TLE4: variants seen among roughly 807,000 people sequenced by gnomAD.
The protein encoded by TLE4 is transducin-like enhancer protein 4.
In TLE4, 8 loss-of-function variants were observed where a neutral mutation model predicts 92.8. The ratio of observed to expected loss-of-function variants is 0.09; its 90% CI spans 0.05 to 0.16. The LOEUF (loss-of-function observed/expected upper bound fraction) is 0.16, where lower values mean the gene tolerates loss of function less well. TLE4 is among the 10% of genes least tolerant of loss of function. The probability of loss-of-function intolerance (pLI) is 1.00; values close to 1 mark genes in which losing one functional copy is unlikely to be tolerated. For missense variants in TLE4, 675 were observed against 997.6 expected (o/e 0.68, Z 4.36); for synonymous variants, 371 against 374.1 (o/e 0.99, Z 0.10).
chr9:79,647,332 T>C (rs529328155), intron 6 of TLE4, among the ~76,000 whole-genome samples: 2 of 151,470 alleles, frequency 1.3e-5, no homozygotes, highest in South Asian at 4.1e-4. Context: ...AGTTCATTAA[T>C]TAGTTCAGGG....
intron 6 of TLE4, among the ~76,000 whole-genome samples, chr9:79,637,632 A>G (rs568315006): frequency 6.6e-6 from 1 of 152,340 alleles, no homozygotes; most frequent in South Asian, 2.1e-4. Context: ...GAATTATATT[A>G]GTTCCACAGG....
At position 79,574,952 on chromosome 9, in the gene TLE4, C is replaced by A; in HGVS notation, c.207+16C>A. Reference sequence around the variant, plus strand: ...TTATGTCATGGTAAGAAAACCATGTCACAGATTCAAAGTGCCTATTAGTTT... The same window carrying A: ...TTATGTCATGGTAAGAAAACCATGTAACAGATTCAAAGTGCCTATTAGTTT... On this transcript the variant is annotated intron_variant, in intron 3 of 19. Transcript: ENST00000376552. 1.2e-6 allele frequency: 2 copies of A among 1,611,060 alleles called. No homozygotes were observed. Among genetic ancestry groups the A allele is most frequent in the South Asian group, 2.2e-5 (2 of 90,934 alleles).
chr9:79,681,804 CAGAGAGAG>C (rs150338789), intron 8 of TLE4, among the ~76,000 whole-genome samples: 1 of 117,078 alleles, frequency 8.5e-6, no homozygotes, highest in Non-Finnish European at 1.9e-5. Context: ...GAGAGGGAGA[CAGAGAGAG>C]AGAGAGAGAG....
chr9:79,719,005 T>C, intron 15 of TLE4, 34 bp downstream of exon 15: 1 of 1,580,670 alleles, frequency 6.3e-7, no homozygotes, highest in Non-Finnish European at 8.6e-7. Context: ...ACTTAGACTT[T>C]CATTCAGAAA....
chr9:79,664,401 C>T (rs1231838194), intron 8 of TLE4, among the ~76,000 whole-genome samples: 1 of 152,136 alleles, frequency 6.6e-6, no homozygotes, highest in Non-Finnish European at 1.5e-5. Flanking sequence ...GACTTGAAAG[C>T]TGAGTTATTC....
At chr9:79,601,651 G>A (rs1442803161) in intron 4 of TLE4, 1 of 365,260 alleles carries the variant, frequency 2.7e-6, no homozygotes, top group Admixed American at 3.5e-5. Context: ...CTTAATTAAT[G>A]TGTGTGTTCT....
intron 5 of TLE4, among the ~76,000 whole-genome samples, chr9:79,620,811 T>C (rs569086097): frequency 6.6e-6 from 1 of 152,148 alleles, no homozygotes; most frequent in Non-Finnish European, 1.5e-5. Context: ...GGCACCAACA[T>C]TACTTGGCTT....
intron 7 of TLE4, among the ~76,000 whole-genome samples, chr9:79,653,576 T>A (rs1282254931): frequency 6.6e-6 from 1 of 152,212 alleles, no homozygotes; most frequent in Non-Finnish European, 1.5e-5. Context: ...TTTTTGGGAA[T>A]TTACTTAGCA....
chr9:79,614,903 C>T (rs1260462848), intron 5 of TLE4, among the ~76,000 whole-genome samples: 1 of 151,984 alleles, frequency 6.6e-6, no homozygotes, highest in Non-Finnish European at 1.5e-5. Context: ...CCCAGGGAAG[C>T]CAAAAGATTG....
chr9:79,692,353 T>C (rs559893512), intron 8 of TLE4, among the ~76,000 whole-genome samples: 42 of 152,230 alleles, frequency 2.8e-4, no homozygotes, highest in African/African-American at 1.0e-3. Context: ...TTCCCCAGGG[T>C]CCTGAGGCTT....
chr9:79,612,929 T>A (rs1310638628), intron 5 of TLE4, among the ~76,000 whole-genome samples: 1 of 152,158 alleles, frequency 6.6e-6, no homozygotes, highest in Non-Finnish European at 1.5e-5. Context: ...AATGGAATAT[T>A]TTCTAGTTGG....
chr9:79,629,324 C>T (rs1461328105), intron 6 of TLE4, among the ~76,000 whole-genome samples: 1 of 151,920 alleles, frequency 6.6e-6, no homozygotes, highest in Non-Finnish European at 1.5e-5. Context: ...GATATAAAAT[C>T]AGAACAAGTT....
rs779912568 is a variant in TLE4, at chr9:79,706,828, G to C, written c.865G>C (p.Ala289Pro). ...LDKTRLLKKDAPISPASIASS... is the reference protein window; with the variant it reads ...LDKTRLLKKDPPISPASIASS... ...CAAGACACGCCTGCTCAAGAAAGAT[G>C]CCCCGATTAGTCCAGCCTCTATTGC... Residue 289 changes from alanine (A) to proline (P), a missense_variant, in exon 11 of 20, where the codon GCC (alanine) becomes CCC (proline). This residue lies in a region of TLE4 where 280 missense variants were observed against 287.3 expected (regional missense o/e 0.97). Coordinates refer to ENST00000376552, the MANE Select transcript of TLE4 (RefSeq NM_007005.6). The C allele has an allele frequency of 4.5e-5, 73 of 1,614,134 alleles. No individual in the cohort carries two copies. The highest frequency in any genetic ancestry group is 6.1e-5 in the Non-Finnish European group (72 of 1,180,018).
chr9:79,641,244 A>G (rs770799239), intron 6 of TLE4, among the ~76,000 whole-genome samples: 6 of 151,916 alleles, frequency 3.9e-5, no homozygotes, highest in Admixed American at 1.3e-4. Flanking sequence ...AATGAAAAAC[A>G]TCTGTTCATC....
intron 4 of TLE4, among the ~76,000 whole-genome samples, chr9:79,606,389 T>A (rs1359472001): frequency 1.1e-4 from 15 of 131,708 alleles, no homozygotes; most frequent in South Asian, 2.3e-4. Context: ...TTTTTTTTTT[T>A]AAATACTTTT....
At chr9:79,714,149 G>A (rs572055850) in intron 14 of TLE4, among the ~76,000 whole-genome samples, 2 of 152,146 alleles carry the variant, frequency 1.3e-5, no homozygotes, top group Non-Finnish European at 2.9e-5. Flanking sequence ...CTGAGCTACC[G>A]CGCCCAACAG....
intron 4 of TLE4, among the ~76,000 whole-genome samples, chr9:79,599,694 G>A (rs951624136): frequency 5.3e-5 from 8 of 152,166 alleles, no homozygotes; most frequent in South Asian, 2.1e-4. Context: ...GTGTGAGGTC[G>A]TCTGATAAGA....
At chr9:79,597,782 T>C (rs2044390731) in intron 4 of TLE4, among the ~76,000 whole-genome samples, 1 of 152,200 alleles carries the variant, frequency 6.6e-6, no homozygotes, top group Non-Finnish European at 1.5e-5. Context: ...TATATGATCA[T>C]GGTAAATTAA....
At chr9:79,665,401 G>A (rs554017784) in intron 8 of TLE4, among the ~76,000 whole-genome samples, 11 of 152,262 alleles carry the variant, frequency 7.2e-5, no homozygotes, top group East Asian at 3.9e-4. Flanking sequence ...ATGGAATTGC[G>A]ATATGCTGCC....
Sources: allele counts gnomAD v4.1 joint callset (sites outside exome capture counted in the v4.1 genomes callset), GRCh38; gene constraint gnomAD v4.1.1; regional missense constraint gnomAD v4.1.1; transcripts MANE v1.5; gene names NCBI Gene and HGNC (gene_info 2026-07-23, HGNC 2026-07-21).